The following ADH4 variants were observed in gnomAD, a reference collection of about 807,000 sequenced individuals.
The protein encoded by ADH4 is all-trans-retinol dehydrogenase [NAD(+)] ADH4.
ADH4 carries 31 observed loss-of-function variants against 35.2 expected under a neutral mutation model. The observed-to-expected ratio is 0.88, with a 90% CI of 0.66 to 1.19. The LOEUF (loss-of-function observed/expected upper bound fraction) is 1.19, where lower values mean the gene tolerates loss of function less well. ADH4 is among the 50% of genes most tolerant of loss of function. ADH4 has a pLI of 0.00. For missense variants in ADH4, 476 were observed against 458.3 expected (o/e 1.04, Z -0.35); for synonymous variants, 171 against 160.2 (o/e 1.07, Z -0.51).
rs1279956490 is a variant in ADH4 at position 99,131,784 on chromosome 4, AAAGT to A, written c.583-24_583-21del. 1.1e-5 allele frequency: 17 copies of A among 1,605,776 alleles called. No individual in the cohort carries two copies. The East Asian group carries it at 3.8e-4, about 36-fold the overall frequency. On this transcript the variant is annotated intron_variant, in intron 5 of 8. Coordinates refer to ENST00000265512, the MANE Select transcript of ADH4 (RefSeq NM_000670.5). ...GGTGACCTGCAAGCAGGAAAATTAT[AAAGT>A]AACTTCTAAAGCAGCCAGTCCCACT...
intron 3 of ADH4, among the ~76,000 whole-genome samples, chr4:99,139,627 C>G (rs752775992): frequency 5.9e-5 from 9 of 152,148 alleles, no homozygotes; most frequent in Admixed American, 1.3e-4. Context: ...TTCTGTGCTT[C>G]GATGCCTGAG....
Position 99,131,579 on chromosome 4 carries a change from G to T in ADH4, c.768C>A (p.Ile256=). 1 of 1,614,034 alleles carries T rather than the reference G, an allele frequency of 6.2e-7. No homozygotes were observed. The highest frequency in any genetic ancestry group is 8.5e-7 in the Non-Finnish European group (1 of 1,179,990). ...CLNPRDLHKP[I]QEVIIELTKG... ...TGGTCAATTCAATGATAACTTCCTG[G>T]ATCGGTTTATGTAAGTCTCTAGGAT... is the stretch of plus-strand genomic sequence containing the variant. The change falls in exon 6 of 9, where the codon ATC becomes ATA. Residue 256 remains isoleucine, a synonymous_variant. Coordinates refer to ENST00000265512, the MANE Select transcript of ADH4 (RefSeq NM_000670.5).
Sources: gnomAD v4.1 joint callset for allele counts (sites outside exome capture counted in the v4.1 genomes callset) on GRCh38, gnomAD v4.1.1 for gene constraint, MANE v1.5 for transcripts, NCBI Gene and HGNC (gene_info 2026-07-23, HGNC 2026-07-21) for gene names.